Variants in SYTL2 observed in about 807,000 individuals in gnomAD.
SYTL2 encodes synaptotagmin-like protein 2.
SYTL2 carries 165 observed loss-of-function variants against 198.7 expected under a neutral mutation model. The observed-to-expected ratio is 0.83, with a 90% CI of 0.73 to 0.94. The LOEUF is 0.94. SYTL2 is among the 40% of genes least tolerant of loss of function. SYTL2 has a pLI of 0.00. For missense variants in SYTL2, 2,835 were observed against 2,582.8 expected (o/e 1.10, Z -2.12); for synonymous variants, 966 against 917.7 (o/e 1.05, Z -0.95).
intron 19 of SYTL2, 96 bp from the exon 20 acceptor site, chr11:85,695,436 C>T (rs1591510515): frequency 3.9e-6 from 4 of 1,026,408 alleles, no homozygotes; most frequent in South Asian, 2.0e-5. Flanking sequence ...CCAGTGGAAG[C>T]TAGGAGGAGC....
chr11:85,851,115 A>G, the SYTL2 span, among the ~76,000 whole-genome samples: 1 of 151,994 alleles, frequency 6.6e-6, no homozygotes, highest in African/African-American at 2.4e-5. Context: ...AGCATGGCAC[A>G]TGTATACATA....
intron 1 of SYTL2, among the ~76,000 whole-genome samples, chr11:85,803,834 T>A (rs1449406593): frequency 1.3e-5 from 2 of 152,310 alleles, no homozygotes; most frequent in Admixed American, 1.3e-4. Context: ...GTAAAGTGGA[T>A]AATTATCACC....
At chr11:85,851,761 A>G in the SYTL2 span, among the ~76,000 whole-genome samples, 2 of 152,256 alleles carry the variant, frequency 1.3e-5, no homozygotes, top group Non-Finnish European at 2.9e-5. Context: ...GTGGGAATCA[A>G]TTCAAAGTGC....
At chr11:85,820,569 C>G in the SYTL2 span, among the ~76,000 whole-genome samples, 1 of 152,196 alleles carries the variant, frequency 6.6e-6, no homozygotes, top group Non-Finnish European at 1.5e-5. Flanking sequence ...TGAGGCCAAG[C>G]AGTCTGCACT....
At chr11:85,838,139 G>A in the SYTL2 span, among the ~76,000 whole-genome samples, 1 of 152,080 alleles carries the variant, frequency 6.6e-6, no homozygotes, top group Non-Finnish European at 1.5e-5. Context: ...GTGGTTCTGG[G>A]TTACTGTTAT....
At chr11:85,801,402 A>G (rs1432227397) in intron 1 of SYTL2, among the ~76,000 whole-genome samples, 1 of 152,228 alleles carries the variant, frequency 6.6e-6, no homozygotes, top group Non-Finnish European at 1.5e-5. Flanking sequence ...TTTTGGAACA[A>G]TTTGGCTCCA....
chr11:85,696,849 TAA>T (rs1374087817), intron 18 of SYTL2, among the ~76,000 whole-genome samples: 1 of 152,226 alleles, frequency 6.6e-6, no homozygotes, highest in Non-Finnish European at 1.5e-5. Flanking sequence ...TGTGATAGCC[TAA>T]GACATTTGTG....
At chr11:85,775,164 C>T (rs555359026) in intron 1 of SYTL2, among the ~76,000 whole-genome samples, 20 of 152,326 alleles carry the variant, frequency 1.3e-4, no homozygotes, top group African/African-American at 4.1e-4. Context: ...GACATCACTA[C>T]AGTGAAGGAG....
At chr11:85,789,356 A>ATATATATG (rs2092692001) in intron 1 of SYTL2, among the ~76,000 whole-genome samples, 1 of 58,030 alleles carries the variant, frequency 1.7e-5, no homozygotes, top group Non-Finnish European at 3.4e-5. Flanking sequence ...ATATATATAT[A>ATATATATG]TATATATATA....
At chr11:85,775,609 A>G (rs1423732661) in intron 1 of SYTL2, among the ~76,000 whole-genome samples, 1 of 152,092 alleles carries the variant, frequency 6.6e-6, no homozygotes, top group African/African-American at 2.4e-5. Context: ...CAGCGTCCAG[A>G]GCAGCTGGAA....
chr11:85,814,011 G>A (rs1278995753), upstream of SYTL2, among the ~76,000 whole-genome samples: 1 of 152,176 alleles, frequency 6.6e-6, no homozygotes, highest in East Asian at 1.9e-4. Flanking sequence ...CCCAGCCTAA[G>A]TCACTTAACT....
intron 7 of SYTL2, among the ~76,000 whole-genome samples, chr11:85,730,572 T>C (rs1472985191): frequency 6.6e-6 from 1 of 152,098 alleles, no homozygotes; most frequent in African/African-American, 2.4e-5. Context: ...CTCAATAAAC[T>C]AGGTATTGAT....
the SYTL2 span, among the ~76,000 whole-genome samples, chr11:85,826,488 C>G: frequency 4.2e-4 from 64 of 152,304 alleles, 1 homozygote; most frequent in Admixed American, 2.6e-4. Context: ...AGACCAGGAG[C>G]CTGGTCTTGA....
chr11:85,761,379 G>A (rs1327927100), intron 1 of SYTL2, among the ~76,000 whole-genome samples: 1 of 152,144 alleles, frequency 6.6e-6, no homozygotes, highest in Non-Finnish European at 1.5e-5. Flanking sequence ...AGATATCCCA[G>A]GGTTCTGAGG....
chr11:85,768,531 C>A (rs1315394247), intron 1 of SYTL2, among the ~76,000 whole-genome samples: 2 of 152,162 alleles, frequency 1.3e-5, no homozygotes, highest in Non-Finnish European at 2.9e-5. Context: ...TCCATAAACA[C>A]CTAATGACAA....
At chr11:85,846,321 C>T in the SYTL2 span, among the ~76,000 whole-genome samples, 2 of 152,306 alleles carry the variant, frequency 1.3e-5, no homozygotes, top group East Asian at 3.9e-4. Flanking sequence ...CTCTTGCTTA[C>T]AGTAGTCATA....
At chr11:85,804,599 C>T (rs1410535855) in intron 1 of SYTL2, among the ~76,000 whole-genome samples, 2 of 152,250 alleles carry the variant, frequency 1.3e-5, no homozygotes, top group African/African-American at 2.4e-5. Flanking sequence ...AGGTATAGTG[C>T]TTGGAATACT....
the SYTL2 span, chr11:85,853,214 T>C: frequency 4.8e-5 from 20 of 419,408 alleles, no homozygotes; most frequent in Non-Finnish European, 8.5e-5. Context: ...TTTTGTGGAA[T>C]AGAAAAGGGG....
chr11:85,746,330 C>G (rs944453077), intron 3 of SYTL2, among the ~76,000 whole-genome samples: 1 of 152,182 alleles, frequency 6.6e-6, no homozygotes, highest in African/African-American at 2.4e-5. Context: ...GGTGTCAGAG[C>G]CCCCATAAAA....
Sources: gnomAD v4.1 joint callset for allele counts (sites outside exome capture counted in the v4.1 genomes callset) on GRCh38, gnomAD v4.1.1 for gene constraint, MANE v1.5 for transcripts, NCBI Gene and HGNC (gene_info 2026-07-23, HGNC 2026-07-21) for gene names.